ITPR2: variants seen among roughly 807,000 people sequenced by gnomAD.
ITPR2 encodes the protein inositol 1,4,5-trisphosphate-gated calcium channel ITPR2.
Under a neutral mutation model 317.1 loss-of-function variants are expected in ITPR2, and 207 were observed. The observed-to-expected ratio is 0.65, with a 90% confidence interval of 0.58 to 0.73. The LOEUF (loss-of-function observed/expected upper bound fraction) is 0.73. ITPR2 is among the 30% of genes least tolerant of loss of function. The probability of loss-of-function intolerance (pLI) is 0.00; values close to 1 mark genes in which losing one functional copy is unlikely to be tolerated. For synonymous variants in ITPR2, 1,156 were observed against 1,149.1 expected (o/e 1.01, Z -0.12); for missense variants, 2,613 against 3,284.0 (o/e 0.80, Z 4.99).
At chr12:26,585,180 T>C (rs1945493899) in intron 32 of ITPR2, among the ~76,000 whole-genome samples, 1 of 152,112 alleles carries the variant, frequency 6.6e-6, no homozygotes, top group Non-Finnish European at 1.5e-5. Context: ...ATGTTGGAAT[T>C]TTTTCTTCTA....
intron 8 of ITPR2, among the ~76,000 whole-genome samples, chr12:26,711,658 T>A (rs185660805): frequency 6.6e-6 from 1 of 152,318 alleles, no homozygotes; most frequent in Admixed American, 6.5e-5. Flanking sequence ...TGGATAAAGC[T>A]AGAGCTTCCA....
intron 54 of ITPR2, among the ~76,000 whole-genome samples, chr12:26,387,903 G>C (rs1046372730): frequency 7.9e-5 from 12 of 152,062 alleles, no homozygotes; most frequent in Non-Finnish European, 1.6e-4. Flanking sequence ...AAATTAAACT[G>C]TACCACAAGT....
chr12:26,620,933 G>A (rs1377127169), intron 26 of ITPR2, among the ~76,000 whole-genome samples, 190 bp downstream of exon 26: 1 of 152,194 alleles, frequency 6.6e-6, no homozygotes. Flanking sequence ...AGAAGTGGTA[G>A]AAATTGATAA....
intron 3 of ITPR2, 40 bp downstream of exon 3, chr12:26,725,610 T>C (rs56056442): frequency 0.034 from 45,144 of 1,337,266 alleles, 3,646 homozygotes; most frequent in African/African-American, 0.31. Flanking sequence ...TTGCTGTACT[T>C]GGTTAGCCTA....
rs148213986 is a variant in ITPR2, at chr12:26,371,729, C to T, written c.7857+15705G>A. 2.2e-3 allele frequency among the ~76,000 whole-genome samples: 331 copies of T among 152,226 alleles called. 2 individuals carry two copies. The highest frequency in any genetic ancestry group is 7.6e-3 in the African/African-American group (314 of 41,534). Reference sequence around the variant, plus strand: ...CGGGGTTGGGTGTACGGGAACCGAGCCCTCTTGGTTTATGGATTGTCACTC... The same window carrying T: ...CGGGGTTGGGTGTACGGGAACCGAGTCCTCTTGGTTTATGGATTGTCACTC... On this transcript the variant is annotated intron_variant, in intron 55 of 56. Coordinates refer to ENST00000381340, the MANE Select transcript of ITPR2 (RefSeq NM_002223.4).
At chr12:26,342,022 G>T (rs943258826) in intron 55 of ITPR2, among the ~76,000 whole-genome samples, 1 of 152,220 alleles carries the variant, frequency 6.6e-6, no homozygotes, top group Non-Finnish European at 1.5e-5. Context: ...GCATGTGGGG[G>T]AAGAGCAGAG....
At position 26,631,755 on chromosome 12, in the gene ITPR2, A is replaced by G. The variant is rs143798483; in HGVS notation, c.2934+111T>C. The G allele has an allele frequency of 1.7e-3, 1,526 of 877,488 alleles. 3 individuals carry two copies. The highest frequency in any genetic ancestry group is 2.5e-3 in the Non-Finnish European group (1,423 of 569,062). 54.4% of individuals were successfully genotyped at this position (877,488 alleles called of 1,614,324 possible). A position where few individuals can be genotyped will look rare whatever the true frequency, so the allele number is the denominator to read the frequency against. On this transcript the variant is annotated intron_variant, in intron 22 of 56. Transcript: ENST00000381340. ...CATTAACTTAAAAAAATAAAATTATATTGATAGCATTTCAGAATATTTACA... is the reference window on the plus strand; with the variant it reads ...CATTAACTTAAAAAAATAAAATTATGTTGATAGCATTTCAGAATATTTACA...
rs367568577 is a variant in ITPR2 at position 26,562,964 on chromosome 12, CA to C, written c.4631-1013del. Among the ~76,000 whole-genome samples, 966 of 139,078 alleles carry C rather than the reference CA, an allele frequency of 6.9e-3. 12 individuals carry two copies. Among genetic ancestry groups the C allele is most frequent in the Admixed American group, 0.032 (449 of 14,112 alleles). The allele number at this position is 139,078 out of a possible 152,430, so 91.2% of individuals were successfully genotyped here. Reference sequence around the variant, plus strand: ...AAAACATGAAGAAAAACTTGTATAGCAAAAAAAAAAGACAAAGGTAAGATAC... The same window carrying C: ...AAAACATGAAGAAAAACTTGTATAGCAAAAAAAAAGACAAAGGTAAGATAC... On this transcript the variant is annotated intron_variant, in intron 34 of 56. Coordinates refer to ENST00000381340, the MANE Select transcript of ITPR2 (RefSeq NM_002223.4).
chr12:26,406,562 T>G (rs1940360470), intron 52 of ITPR2: 1 of 151,236 alleles, frequency 6.6e-6, no homozygotes, highest in South Asian at 2.1e-4. Flanking sequence ...TGCCTCCTAG[T>G]CACCGTGAGG....
chr12:26,404,568 C>T (rs774844831), intron 52 of ITPR2, among the ~76,000 whole-genome samples: 14 of 152,120 alleles, frequency 9.2e-5, no homozygotes, highest in Non-Finnish European at 1.6e-4. Context: ...AGGAAGAAGG[C>T]AAATGGTAGA....
intron 52 of ITPR2, chr12:26,406,495 G>A (rs919992224): frequency 2.8e-5 from 4 of 141,204 alleles, no homozygotes; most frequent in African/African-American, 1.1e-4. Flanking sequence ...ATTTTCTGGC[G>A]CTGGGACAAT....
At chr12:26,580,226 C>T in intron 32 of ITPR2, 71 bp from the exon 33 acceptor site, 1 of 1,400,706 alleles carries the variant, frequency 7.1e-7, no homozygotes. Context: ...TTGGAACCAC[C>T]TAAAAATTGT....
chr12:26,352,679 AAC>A (rs1326253528), intron 55 of ITPR2, among the ~76,000 whole-genome samples: 2 of 152,246 alleles, frequency 1.3e-5, no homozygotes, highest in Admixed American at 1.3e-4. Context: ...CTTGACAGAC[AAC>A]AGTTTTCCCC....
At chr12:26,493,716 A>C (rs1253388422) in intron 39 of ITPR2, among the ~76,000 whole-genome samples, 1 of 152,192 alleles carries the variant, frequency 6.6e-6, no homozygotes, top group Non-Finnish European at 1.5e-5. Flanking sequence ...CATAATGATA[A>C]ATGAAAAAAA....
intron 54 of ITPR2, among the ~76,000 whole-genome samples, chr12:26,393,279 C>A (rs1939901926): frequency 6.6e-6 from 1 of 152,228 alleles, no homozygotes; most frequent in Non-Finnish European, 1.5e-5. Flanking sequence ...CATGTCTAGA[C>A]CAGTCACTAT....
chr12:26,389,990 G>A (rs765429410), intron 54 of ITPR2, among the ~76,000 whole-genome samples: 5 of 152,156 alleles, frequency 3.3e-5, no homozygotes, highest in African/African-American at 4.8e-5. Flanking sequence ...CCAAAAGCTC[G>A]GAATGATATT....
chr12:26,402,148 C>G (rs980186263), intron 52 of ITPR2, among the ~76,000 whole-genome samples: 2 of 152,112 alleles, frequency 1.3e-5, no homozygotes, highest in Non-Finnish European at 2.9e-5. Flanking sequence ...CTAGTGAGGT[C>G]CCCCCATACA....
chr12:26,560,987 T>C (rs1944802198), intron 35 of ITPR2, among the ~76,000 whole-genome samples: 1 of 152,216 alleles, frequency 6.6e-6, no homozygotes, highest in South Asian at 2.1e-4. Context: ...TTTCATATGT[T>C]GAAGGCCTAA....
chr12:26,477,851 C>A (rs1253870438), intron 43 of ITPR2, among the ~76,000 whole-genome samples: 2 of 152,108 alleles, frequency 1.3e-5, no homozygotes, highest in African/African-American at 4.8e-5. Context: ...TTTAACAGTG[C>A]TGGCATAGAA....
Sources: gnomAD v4.1 joint callset for allele counts (sites outside exome capture counted in the v4.1 genomes callset) on GRCh38, gnomAD v4.1.1 for gene constraint, MANE v1.5 for transcripts, NCBI Gene and HGNC (gene_info 2026-07-23, HGNC 2026-07-21) for gene names.